RNF126: variants seen among roughly 807,000 people sequenced by gnomAD.
RNF126 encodes the protein ring finger protein 126.
RNF126 carries 20 observed loss-of-function variants against 41.9 expected under a neutral mutation model. The ratio of observed to expected loss-of-function variants is 0.48; its 90% confidence interval spans 0.34 to 0.69. The LOEUF is 0.69. RNF126 is among the 30% of genes least tolerant of loss of function. RNF126 has a pLI of 0.01. For synonymous variants in RNF126, 239 were observed against 202.9 expected, an observed-to-expected ratio of 1.18 and a Z score of -1.51; for missense variants, 433 against 460.6, an observed-to-expected ratio of 0.94 and a Z score of 0.55.
At position 648,516 on chromosome 19, in the gene RNF126, C is replaced by T. The variant is rs536870159; in HGVS notation, c.671-29G>A. 3.1e-5 allele frequency: 47 copies of T among 1,520,180 alleles called. No homozygotes were observed. In the Admixed American group the frequency reaches 4.5e-4, roughly 14 times the overall value. The allele number at this position is 1,520,180 out of a possible 1,614,324, so 94.2% of individuals were successfully genotyped here. A position where few individuals can be genotyped will look rare whatever the true frequency, so the allele number is the denominator to read the frequency against. On this transcript the variant is annotated intron_variant, in intron 7 of 8. Coordinates refer to ENST00000292363, the MANE Select transcript of RNF126 (RefSeq NM_194460.3). ...CGGGAGTGTGCAGCTGCGGTCACAG[C>T]GGGCGTGGGGGGCCTGCCGAGCCTT...
In RNF126 at chr19:648,434, C is replaced by T. The variant is rs567036927; in HGVS notation, c.724G>A (p.Val242Met). Reference protein sequence around the residue: ...CKDDYALGERVRQLPCNHLFH... With the variant: ...CKDDYALGERMRQLPCNHLFH... ...AGGTGGTTGCAGGGCAGCTGCCGCA[C>T]ACGCTCACCCAGCGCGTAGTCGTCC... The change falls in exon 8 of 9, where the codon GTG becomes ATG. Residue 242 changes from valine to methionine, a missense_variant. Around this residue, in one of 5 missense-constraint regions of RNF126, gnomAD observed 97 missense variants for 121.7 expected, o/e 0.80. Coordinates refer to ENST00000292363, the MANE Select transcript of RNF126 (RefSeq NM_194460.3). The T allele has an allele frequency of 1.3e-6, 2 of 1,591,054 alleles. No homozygotes were observed. The highest frequency in any genetic ancestry group is 1.7e-6 in the Non-Finnish European group (2 of 1,172,072).
chr19:648,521 G>T, intron 7 of RNF126, 34 bp from the exon 8 acceptor site: 1 of 1,503,134 alleles, frequency 6.7e-7, no homozygotes, highest in South Asian at 1.2e-5. Flanking sequence ...CACAGCGGGC[G>T]TGGGGGGCCT....
rs894286795 is a variant in RNF126 at position 659,098 on chromosome 19, C to T, written c.75+3949G>A. On this transcript the variant is annotated intron_variant, in intron 1 of 8. Transcript: ENST00000292363. This position sits in a 1 kb window ranked among gnomAD's most constrained non-coding sequence, Gnocchi z 4.9. ...TCCGGAGAACCCAGCTGTGCAGAGC[C>T]GCTCCAGGGTGCTGGCCGGACGCTT... Among the ~76,000 whole-genome samples, 5 of 152,232 alleles carry T rather than the reference C, an allele frequency of 3.3e-5. No homozygotes were observed. The highest frequency in any genetic ancestry group is 4.1e-4 in the South Asian group (2 of 4,832).
chr19:652,477 G>A (rs1471131521), intron 2 of RNF126, 181 bp from the exon 3 acceptor site: 23 of 622,564 alleles, frequency 3.7e-5, no homozygotes, highest in Non-Finnish European at 5.5e-5. Context: ...AGTAAACCAC[G>A]GGTTTCTCGA....
At chr19:651,413 A>C (rs1338890586) in intron 4 of RNF126, 198 bp downstream of exon 4, 1 of 475,868 alleles carries the variant, frequency 2.1e-6, no homozygotes, top group Non-Finnish European at 3.5e-6. Flanking sequence ...GTCAACCCAC[A>C]CACCCTGAAC....
At chr19:652,424 G>A (rs185946235) in intron 2 of RNF126, 128 bp from the exon 3 acceptor site, 22 of 825,710 alleles carry the variant, frequency 2.7e-5, no homozygotes, top group East Asian at 8.5e-5. Context: ...ACCCGCCACC[G>A]CCCCAGCATT....
intron 6 of RNF126, 167 bp from the exon 7 acceptor site, chr19:649,142 C>G (rs572768948): frequency 7.9e-5 from 31 of 393,872 alleles, no homozygotes; most frequent in African/African-American, 3.1e-4. Context: ...CCCACGCGGC[C>G]CCCCCGCTCC....
At chr19:652,508 C>T in intron 2 of RNF126, 1 of 606,038 alleles carries the variant, frequency 1.7e-6, no homozygotes, top group Non-Finnish European at 2.9e-6. Context: ...CAGACCCCAA[C>T]AGCCTCCTAA....
At chr19:652,342 C>G (rs377717043) in intron 2 of RNF126, 46 bp from the exon 3 acceptor site, 2 of 1,482,430 alleles carry the variant, frequency 1.3e-6, no homozygotes, top group Admixed American at 4.8e-5. Flanking sequence ...CCTGTGCCCC[C>G]ATGCGCCAGG....
intron 1 of RNF126, among the ~76,000 whole-genome samples, chr19:656,466 T>C (rs2030565415): frequency 1.3e-5 from 2 of 151,854 alleles, no homozygotes; most frequent in Non-Finnish European, 2.9e-5. Flanking sequence ...CCAGCCAACA[T>C]AGGGAAATAC....
Position 648,773 on chromosome 19 carries a change from T to A in RNF126, c.670+109A>T, listed in dbSNP as rs2030108541. On this transcript the variant is annotated intron_variant, in intron 7 of 8. Coordinates refer to ENST00000292363, the MANE Select transcript of RNF126 (RefSeq NM_194460.3). The stretch of plus-strand genomic sequence containing the variant: ...CACCTGAGGTCAGGAGTTCGAGACC[T>A]GCCTGACCAACATGGTGAAACCCTG... The A allele has an allele frequency of 4.0e-6, 3 of 746,930 alleles. 1 individual carries two copies. Among genetic ancestry groups the A allele is most frequent in the Non-Finnish European group, 6.3e-6 (3 of 472,964 alleles). The allele number at this position is 746,930 out of a possible 1,614,324, so 46.3% of individuals were successfully genotyped here.
At position 648,204 on chromosome 19, in the gene RNF126, C is replaced by A; in HGVS notation, c.860G>T (p.Gly287Val). Residue 287 changes from glycine (G) to valine (V), a missense_variant, in exon 9 of 9, where the codon GGG becomes GTG. This residue lies in a region of RNF126 where 63 missense variants were observed against 47.9 expected (regional missense o/e 1.32). Coordinates refer to ENST00000292363, the MANE Select transcript of RNF126 (RefSeq NM_194460.3). ...TGACGACGAGGAGGAGAAGCTCACC[C>A]CAGTGAGGCCAGGGGGGTTCGTGGC... is the stretch of plus-strand genomic sequence containing the variant. ...NTATNPPGLTGVSFSSSSSSS... is the reference protein window; with the variant it reads ...NTATNPPGLTVVSFSSSSSSS... 7 of 1,605,714 alleles carry A rather than the reference C, an allele frequency of 4.4e-6. No individual in the cohort carries two copies. The highest frequency in any genetic ancestry group is 5.1e-6 in the Non-Finnish European group (6 of 1,176,092).
intron 1 of RNF126, among the ~76,000 whole-genome samples, chr19:662,261 C>T (rs2030836957): frequency 6.6e-6 from 1 of 152,238 alleles, no homozygotes; most frequent in South Asian, 2.1e-4. Context: ...GCTGCTCCCA[C>T]CTCCCCCAAG....
chr19:656,470 G>A (rs1423221929), intron 1 of RNF126, among the ~76,000 whole-genome samples: 1 of 152,068 alleles, frequency 6.6e-6, no homozygotes, highest in Non-Finnish European at 1.5e-5. Flanking sequence ...CCAACATAGG[G>A]AAATACCGTC....
chr19:651,930 CA>C, intron 3 of RNF126, 75 bp from the exon 4 acceptor site: 2 of 1,402,336 alleles, frequency 1.4e-6, no homozygotes, highest in Non-Finnish European at 9.7e-7. Context: ...GGCACAAAGA[CA>C]AAGGAGAAAG....
chr19:647,857 TA>T lies in RNF126; in HGVS notation c.*270del. Reference sequence around the variant, plus strand: ...TCAAAGCAGTAATAATTTAAAATTATAAAAATCTTTCCACCGCTGAACGTTT... The same window carrying T: ...TCAAAGCAGTAATAATTTAAAATTATAAAATCTTTCCACCGCTGAACGTTT... On this transcript the variant is annotated 3_prime_UTR_variant, in exon 9 of 9. Transcript: ENST00000292363. The T allele has an allele frequency of 1.6e-6, 1 of 615,982 alleles. No homozygotes were observed. The highest frequency in any genetic ancestry group is 2.9e-6 in the Non-Finnish European group (1 of 339,298). The allele number at this position is 615,982 out of a possible 1,614,324, so 38.2% of individuals were successfully genotyped here. A position where few individuals can be genotyped will look rare whatever the true frequency, so the allele number is the denominator to read the frequency against.
chr19:662,963 G>A (rs547134074), intron 1 of RNF126, 84 bp downstream of exon 1: 474 of 566,260 alleles, frequency 8.4e-4, no homozygotes, highest in African/African-American at 7.8e-3. Flanking sequence ...AGAGGCGGGC[G>A]CAAGCGACCC....
At chr19:652,118 A>T in intron 3 of RNF126, 115 bp downstream of exon 3, 2 of 958,598 alleles carry the variant, frequency 2.1e-6, no homozygotes, top group African/African-American at 1.7e-5. Flanking sequence ...GGAGGGAAAA[A>T]TTTCCTCCGC....
intron 5 of RNF126, 39 bp from the exon 6 acceptor site, chr19:649,787 G>C: frequency 6.7e-7 from 1 of 1,494,266 alleles, no homozygotes; most frequent in Non-Finnish European, 9.1e-7. Context: ...CTGACGGGCA[G>C]CTGGGGCAGG....
Sources: allele counts gnomAD v4.1 joint callset (sites outside exome capture counted in the v4.1 genomes callset), GRCh38; gene constraint gnomAD v4.1.1; regional missense constraint gnomAD v4.1.1; non-coding constraint Gnocchi (gnomAD v3.1); transcripts MANE v1.5; gene names NCBI Gene and HGNC (gene_info 2026-07-23, HGNC 2026-07-21).